RIPOR1: variants seen among roughly 807,000 people sequenced by gnomAD.
RIPOR1 encodes RHO family interacting cell polarization regulator 1, also known as rho family-interacting cell polarization regulator 1.
A neutral mutation model predicts 116.5 loss-of-function variants in RIPOR1; 58 were observed. The ratio of observed to expected loss-of-function variants is 0.50; its 90% CI spans 0.40 to 0.62. RIPOR1 has a LOEUF of 0.62. Among genes scored for constraint, RIPOR1 ranks in the 20% least tolerant of loss-of-function variants. The pLI is 0.00. For missense variants in RIPOR1, 1,372 were observed against 1,586.2 expected (o/e 0.86, Z 2.29); for synonymous variants, 605 against 650.0 (o/e 0.93, Z 1.05).
In RIPOR1 at chr16:67,543,783, G is replaced by T; in HGVS notation, c.2600+314G>T. 2.2e-6 allele frequency: 1 copy of T among 461,908 alleles called. No homozygotes were observed. Among genetic ancestry groups the T allele is most frequent in the Non-Finnish European group, 4.0e-6 (1 of 250,908 alleles). The allele number at this position is 461,908 out of a possible 1,614,324, so 28.6% of individuals were successfully genotyped here. On this transcript the variant is annotated intron_variant, in intron 14 of 21. Coordinates refer to ENST00000042381, the MANE Select transcript of RIPOR1 (RefSeq NM_024519.4). The surrounding 1 kb of genome is among the most constrained non-coding windows in gnomAD (Gnocchi z 4.7). ...GCCTCCAGCCCCTCCTCTTCCCCTT[G>T]GCCTCACCTTGGACCTGCCCTTTAA... is the stretch of plus-strand genomic sequence containing the variant.
At chr16:67,525,443 A>G (rs916860976), upstream of RIPOR1, among the ~76,000 whole-genome samples, 1 of 151,826 alleles carries the variant, frequency 6.6e-6, no homozygotes, top group African/African-American at 2.4e-5. Flanking sequence ...GCAAGCTTCT[A>G]TTCTATCTGT....
rs370207168 is a variant in RIPOR1 at position 67,544,673 on chromosome 16, C to T, written c.2734-22C>T. 20 of 1,611,850 alleles carry T rather than the reference C, an allele frequency of 1.2e-5. No individual in the cohort carries two copies. The highest frequency in any genetic ancestry group is 1.7e-5 in the Non-Finnish European group (20 of 1,179,988). Reference sequence around the variant, plus strand: ...GAGCCCTACCCTGAGGCCTGAGCTACTTGGCCACCCATGTTCTCCAGAAAC... The same window carrying T: ...GAGCCCTACCCTGAGGCCTGAGCTATTTGGCCACCCATGTTCTCCAGAAAC... On this transcript the variant is annotated intron_variant, in intron 15 of 21. Transcript: ENST00000042381. The surrounding 1 kb of genome is among the most constrained non-coding windows in gnomAD (Gnocchi z 5.1).
upstream of RIPOR1, among the ~76,000 whole-genome samples, chr16:67,526,012 G>A (rs1004298669): frequency 6.6e-6 from 1 of 152,138 alleles, no homozygotes; most frequent in African/African-American, 2.4e-5. Flanking sequence ...TGTGACCCTC[G>A]GAGGGATGCT....
In RIPOR1 at chr16:67,538,569, T is replaced by C; in HGVS notation, c.104+19T>C. On this transcript the variant is annotated intron_variant, in intron 2 of 21. Transcript: ENST00000042381. ...GGCCCAGGTACGCGGCCGCGCAGGG[T>C]TGGTGGGGTCAAAGGGCGTCAGATG... 6.2e-7 allele frequency: 1 copy of C among 1,610,988 alleles called. No homozygotes were observed. The highest frequency in any genetic ancestry group is 8.5e-7 in the Non-Finnish European group (1 of 1,178,628).
rs905056600 is a variant in RIPOR1 at position 67,539,949 on chromosome 16, GGGA to G, written c.414+52_414+54del. 6 of 1,613,874 alleles carry G rather than the reference GGGA, an allele frequency of 3.7e-6. No individual in the cohort carries two copies. In the Middle Eastern group the frequency reaches 5.0e-4, roughly 134 times the overall value. ...GTGGGGTGGGGGGTTGGATATCATAGGGAGAAGAGGGGTGGTGCCAGGCCCTGG... is the reference window on the plus strand; with the variant it reads ...GTGGGGTGGGGGGTTGGATATCATAGGAAGAGGGGTGGTGCCAGGCCCTGG... On this transcript the variant is annotated intron_variant, in intron 6 of 21. Transcript: ENST00000042381.
In RIPOR1 at chr16:67,543,294, C is replaced by T; in HGVS notation, c.2478+30C>T. On this transcript the variant is annotated intron_variant, in intron 13 of 21. Coordinates refer to ENST00000042381, the MANE Select transcript of RIPOR1 (RefSeq NM_024519.4). The surrounding 1 kb of genome is among the most constrained non-coding windows in gnomAD (Gnocchi z 4.7). ...GGAGGGCTGGGCTGGGCTAGGGCAA[C>T]CAGGGAGGGCAGCCAGGGGGCGGCA... 1 of 1,605,332 alleles carries T rather than the reference C, an allele frequency of 6.2e-7. No individual in the cohort carries two copies. The highest frequency in any genetic ancestry group is 2.2e-5 in the East Asian group (1 of 44,652).
rs1307302370 is a variant in RIPOR1, at chr16:67,543,965, C to T, written c.2601-334C>T. 2.4e-6 allele frequency: 1 copy of T among 409,012 alleles called. No homozygotes were observed. The highest frequency in any genetic ancestry group is 4.4e-6 in the Non-Finnish European group (1 of 225,492). The allele number at this position is 409,012 out of a possible 1,614,324, so 25.3% of individuals were successfully genotyped here. Reference sequence around the variant, plus strand: ...GAGAGTTGTGCCAGGTCCCTCCTTCCTCTGCTGCTGCCCAGGCTACAGCCC... The same window carrying T: ...GAGAGTTGTGCCAGGTCCCTCCTTCTTCTGCTGCTGCCCAGGCTACAGCCC... On this transcript the variant is annotated intron_variant, in intron 14 of 21. Coordinates refer to ENST00000042381, the MANE Select transcript of RIPOR1 (RefSeq NM_024519.4). The surrounding 1 kb of genome is among the most constrained non-coding windows in gnomAD (Gnocchi z 4.7).
chr16:67,542,556 T>C lies in RIPOR1; in HGVS notation c.1770T>C (p.Asn590=). The C allele has an allele frequency of 1.9e-6, 3 of 1,613,728 alleles. No individual in the cohort carries two copies. Among genetic ancestry groups the C allele is most frequent in the Non-Finnish European group, 2.5e-6 (3 of 1,179,878 alleles). Residue 590 remains asparagine (N), a synonymous_variant, in exon 13 of 22, where the codon AAT becomes AAC. Transcript: ENST00000042381. The surrounding 1 kb of genome is among the most constrained non-coding windows in gnomAD (Gnocchi z 4.6). ...STLTTTGPTL[N]IIGPVQTTTS... ...TTACTACTACAGGCCCTACCCTCAA[T>C]ATCATAGGCCCAGTCCAGACTACCA...
Position 67,537,519 on chromosome 16 carries a change from G to A in RIPOR1, c.-23-905G>A. On this transcript the variant is annotated intron_variant, in intron 1 of 21. Transcript: ENST00000042381. The surrounding 1 kb of genome is among the most constrained non-coding windows in gnomAD (Gnocchi z 4.6). Reference sequence around the variant, plus strand: ...GGAGCCCAGCCGGGCGGCTCGAAGTGGCCAGGGCCGGAAGGTCCGCGGGGG... The same window carrying A: ...GGAGCCCAGCCGGGCGGCTCGAAGTAGCCAGGGCCGGAAGGTCCGCGGGGG... The A allele has an allele frequency of 7.7e-7, 1 of 1,304,688 alleles. No homozygotes were observed. The highest frequency in any genetic ancestry group is 2.1e-5 in the South Asian group (1 of 46,666). The allele number at this position is 1,304,688 out of a possible 1,614,324, so 80.8% of individuals were successfully genotyped here. A position where few individuals can be genotyped will look rare whatever the true frequency, so the allele number is the denominator to read the frequency against.
Position 67,539,063 on chromosome 16 carries a change from C to T in RIPOR1, c.331C>T (p.Arg111Cys). Reference protein sequence around the residue: ...GQIRESKRNSRLGFLYDLDKQ... With the variant: ...GQIRESKRNSCLGFLYDLDKQ... ...GATAAGGGAGTCCAAGAGGAATTCC[C>T]GCTTGGTGAGTGGCGGGAGGTACGG... Residue 111 changes from arginine (R) to cysteine (C), a missense_variant, in exon 4 of 22, where the codon CGC becomes TGC. Physicochemically the swap from Arg to Cys is radical, Grantham distance 180. This residue lies in a region of RIPOR1 where 202 missense variants were observed against 295.9 expected (regional missense o/e 0.68). Transcript: ENST00000042381. The T allele has an allele frequency of 6.2e-7, 1 of 1,612,608 alleles. No homozygotes were observed. Among genetic ancestry groups the T allele is most frequent in the East Asian group, 2.2e-5 (1 of 44,854 alleles).
chr16:67,534,753 A>G (rs1474682306), intron 1 of RIPOR1, among the ~76,000 whole-genome samples: 1 of 148,648 alleles, frequency 6.7e-6, no homozygotes, highest in Non-Finnish European at 1.5e-5. Flanking sequence ...ATGTCACTGT[A>G]TATTTTTCAT....
At position 67,542,106 on chromosome 16, in the gene RIPOR1, G is replaced by A. The variant is rs1481715389; in HGVS notation, c.1320G>A (p.Gly440=). 1.2e-6 allele frequency: 2 copies of A among 1,612,212 alleles called. No individual in the cohort carries two copies. The highest frequency in any genetic ancestry group is 1.7e-6 in the Non-Finnish European group (2 of 1,178,582). The change falls in exon 13 of 22, where the codon GGG becomes GGA. Residue 440 remains glycine, a synonymous_variant. Transcript: ENST00000042381. The surrounding 1 kb of genome is among the most constrained non-coding windows in gnomAD (Gnocchi z 4.6). ...CCGTGGCCCCAGTCCTGGCAAATGG[G>A]CATGCACCCTACAGTCGGACTCTGA... is the stretch of plus-strand genomic sequence containing the variant. The part of the protein sequence containing the change: ...EGAVAPVLAN[G]HAPYSRTLSH...
At chr16:67,525,681 C>A (rs892862096), upstream of RIPOR1, among the ~76,000 whole-genome samples, 1 of 152,144 alleles carries the variant, frequency 6.6e-6, no homozygotes, top group Non-Finnish European at 1.5e-5. Flanking sequence ...TGAGTCCACC[C>A]CTCTGAGAAT....
Position 67,529,568 on chromosome 16 carries a change from A to G in RIPOR1, c.-24+654A>G. 1 of 559,480 alleles carries G rather than the reference A, an allele frequency of 1.8e-6. No homozygotes were observed. Among genetic ancestry groups the G allele is most frequent in the Non-Finnish European group, 3.2e-6 (1 of 315,052 alleles). 34.7% of individuals were successfully genotyped at this position (559,480 alleles called of 1,614,324 possible). ...GGCTCTCTGCAGAACTGGTTTGGGC[A>G]AGGGGCTGCTCACCAGGGCTAGAGG... On this transcript the variant is annotated intron_variant, in intron 1 of 21. Coordinates refer to ENST00000042381, the MANE Select transcript of RIPOR1 (RefSeq NM_024519.4). This position sits in a 1 kb window ranked among gnomAD's most constrained non-coding sequence, Gnocchi z 4.1.
At position 67,541,383 on chromosome 16, in the gene RIPOR1, C is replaced by A; in HGVS notation, c.802-47C>A. 1 of 1,581,130 alleles carries A rather than the reference C, an allele frequency of 6.3e-7. No homozygotes were observed. The highest frequency in any genetic ancestry group is 1.1e-5 in the South Asian group (1 of 87,748). Reference sequence around the variant, plus strand: ...TCAGACCTCAGATTTCCCATGATCTCATAGCCCCTGCACCCTTGTGACCCT... The same window carrying A: ...TCAGACCTCAGATTTCCCATGATCTAATAGCCCCTGCACCCTTGTGACCCT... On this transcript the variant is annotated intron_variant, in intron 10 of 21. Transcript: ENST00000042381. The surrounding 1 kb of genome is among the most constrained non-coding windows in gnomAD (Gnocchi z 4.6).
rs780723151 is a variant in RIPOR1 at position 67,544,420 on chromosome 16, C to A, written c.2722C>A (p.Arg908Ser). 6.2e-7 allele frequency: 1 copy of A among 1,610,486 alleles called. No individual in the cohort carries two copies. The highest frequency in any genetic ancestry group is 1.7e-5 in the Admixed American group (1 of 59,982). ...ALVRHLYHCS[R>S]LLLKLGTFGP... ...GGTCCGGCACCTGTACCACTGCAGT[C>A]GCCTCCTGCTGGTGAGGCTGATGGT... Residue 908 changes from arginine (R) to serine (S), a missense_variant, in exon 15 of 22, where the codon CGC (arginine) becomes AGC (serine). By Grantham distance (110) the Arg-to-Ser change is moderately radical. This residue lies in a region of RIPOR1 where 1,005 missense variants were observed against 1,144.7 expected (regional missense o/e 0.88). Coordinates refer to ENST00000042381, the MANE Select transcript of RIPOR1 (RefSeq NM_024519.4). The surrounding 1 kb of genome is among the most constrained non-coding windows in gnomAD (Gnocchi z 5.1).
At position 67,540,399 on chromosome 16, in the gene RIPOR1, G is replaced by T. The variant is rs766968628; in HGVS notation, c.631+36G>T. ...GTGGGGGCAGGTGGGGGGCTGGAGG[G>T]AGTATGCTGAAGAACCCCAATATGG... On this transcript the variant is annotated intron_variant, in intron 8 of 21. Transcript: ENST00000042381. This position sits in a 1 kb window ranked among gnomAD's most constrained non-coding sequence, Gnocchi z 4.7. 4.0e-5 allele frequency: 65 copies of T among 1,614,058 alleles called. No homozygotes were observed. The highest frequency in any genetic ancestry group is 4.8e-5 in the Non-Finnish European group (57 of 1,180,014).
Position 67,543,637 on chromosome 16 carries a change from T to TC in RIPOR1, c.2600+170dup. The TC allele has an allele frequency of 3.4e-6, 3 of 882,758 alleles. No individual in the cohort carries two copies. The highest frequency in any genetic ancestry group is 3.5e-6 in the Non-Finnish European group (2 of 573,394). The allele number at this position is 882,758 out of a possible 1,614,324, so 54.7% of individuals were successfully genotyped here. A position where few individuals can be genotyped will look rare whatever the true frequency, so the allele number is the denominator to read the frequency against. Reference sequence around the variant, plus strand: ...TGAGTTGCTGGCAGGTGCACCTGTGTCCACCCCTCCCATGTCCTTCATGCC... The same window carrying TC: ...TGAGTTGCTGGCAGGTGCACCTGTGTCCCACCCCTCCCATGTCCTTCATGCC... On this transcript the variant is annotated intron_variant, in intron 14 of 21. Transcript: ENST00000042381. The surrounding 1 kb of genome is among the most constrained non-coding windows in gnomAD (Gnocchi z 4.7).
rs747177030 is a variant in RIPOR1, at chr16:67,538,797, T to A, written c.230T>A (p.Val77Glu). Residue 77 changes from valine to glutamate, a missense_variant, in exon 3 of 22, where the codon GTG (valine) becomes GAG (glutamate). By Grantham distance (121) the Val-to-Glu change is moderately radical. This residue lies in a region of RIPOR1 where 165 missense variants were observed against 145.5 expected (regional missense o/e 1.13). Transcript: ENST00000042381. ...CCGCAGCCCGAGCGGCTGGACCTGG[T>A]GTACACGGCGCTGAAGCGGGGCCTG... ...KVPQPERLDL[V>E]YTALKRGLTA... is the part of the protein sequence containing the mutation. 6.2e-7 allele frequency: 1 copy of A among 1,613,162 alleles called. No individual in the cohort carries two copies. The highest frequency in any genetic ancestry group is 8.5e-7 in the Non-Finnish European group (1 of 1,179,974).
Sources: allele counts gnomAD v4.1 joint callset (sites outside exome capture counted in the v4.1 genomes callset), GRCh38; gene constraint gnomAD v4.1.1; regional missense constraint gnomAD v4.1.1; non-coding constraint Gnocchi (gnomAD v3.1); transcripts MANE v1.5; gene names NCBI Gene and HGNC (gene_info 2026-07-23, HGNC 2026-07-21).